The following TTBK2 variants were observed in gnomAD, a reference collection of about 807,000 sequenced individuals.
TTBK2 encodes tau tubulin kinase 2.
In TTBK2, 28 loss-of-function variants were observed where a neutral mutation model predicts 110.8. That is an observed-to-expected ratio of 0.25 (90% CI 0.19 to 0.35). The LOEUF is 0.35. Among genes scored for constraint, TTBK2 ranks in the 10% least tolerant of loss-of-function variants. The pLI is 1.00. For synonymous variants in TTBK2, 532 were observed against 527.3 expected, an observed-to-expected ratio of 1.01 and a Z score of -0.12; for missense variants, 1,369 against 1,500.3, an observed-to-expected ratio of 0.91 and a Z score of 1.45.
chr15:42,889,929 T>C (rs1156911826), intron 1 of TTBK2, among the ~76,000 whole-genome samples: 1 of 152,172 alleles, frequency 6.6e-6, no homozygotes, highest in Non-Finnish European at 1.5e-5. Flanking sequence ...TATTTTGTTG[T>C]ATTTTTCTTA....
intron 6 of TTBK2, among the ~76,000 whole-genome samples, chr15:42,820,189 G>A (rs1892232732): frequency 6.6e-6 from 1 of 152,146 alleles, no homozygotes. Flanking sequence ...AAGAAATAAT[G>A]TCAGATCAAG....
intron 7 of TTBK2, 62 bp downstream of exon 7, chr15:42,816,970 A>C: frequency 1.0e-6 from 1 of 967,080 alleles, no homozygotes. Context: ...ATAAAAAAGA[A>C]GTCAATCTGA....
chr15:42,765,347 T>A (rs558079249), intron 13 of TTBK2, among the ~76,000 whole-genome samples: 40 of 152,214 alleles, frequency 2.6e-4, no homozygotes, highest in African/African-American at 9.4e-4. Context: ...TTGAACCCAT[T>A]GCAAGGAAGC....
At chr15:42,816,711 A>T (rs967836711) in intron 7 of TTBK2, among the ~76,000 whole-genome samples, 1 of 151,976 alleles carries the variant, frequency 6.6e-6, no homozygotes, top group African/African-American at 2.4e-5. Flanking sequence ...TGAGGCTAGG[A>T]GTTTGAGACC....
upstream of TTBK2, chr15:42,920,814 C>G (rs1025246116): frequency 7.2e-5 from 11 of 153,018 alleles, no homozygotes; most frequent in Admixed American, 3.3e-4. Context: ...TATTCTCCCC[C>G]CTCGTAACCC....
At chr15:42,907,907 C>CA (rs1283939502) in intron 1 of TTBK2, among the ~76,000 whole-genome samples, 4,955 of 121,410 alleles carry the variant, frequency 0.041, 99 homozygotes, top group Non-Finnish European at 0.052. Context: ...CCCATCTCTA[C>CA]AAAAAAAAAA....
chr15:42,890,265 G>C (rs1051157841), intron 1 of TTBK2, among the ~76,000 whole-genome samples: 1 of 152,076 alleles, frequency 6.6e-6, no homozygotes, highest in African/African-American at 2.4e-5. Context: ...CTCTCTTTTC[G>C]GACTCAGCCT....
At chr15:42,838,362 G>T (rs564800538) in intron 4 of TTBK2, among the ~76,000 whole-genome samples, 22 of 148,004 alleles carry the variant, frequency 1.5e-4, no homozygotes, top group Non-Finnish European at 2.4e-4. Flanking sequence ...GGGTGTGTGT[G>T]TGTGTGTGTG....
intron 13 of TTBK2, among the ~76,000 whole-genome samples, chr15:42,772,758 G>A (rs956837793): frequency 6.6e-5 from 10 of 152,064 alleles, no homozygotes; most frequent in African/African-American, 2.4e-4. Flanking sequence ...CCCAGTCTGG[G>A]CAATACAGTG....
At chr15:42,915,819 T>C (rs1480453807) in intron 1 of TTBK2, among the ~76,000 whole-genome samples, 2 of 152,010 alleles carry the variant, frequency 1.3e-5, no homozygotes, top group Non-Finnish European at 2.9e-5. Context: ...TGGTGGCACA[T>C]GCCCGTAGTC....
At chr15:42,840,169 T>G (rs928127819) in intron 4 of TTBK2, among the ~76,000 whole-genome samples, 191 bp downstream of exon 4, 2 of 152,192 alleles carry the variant, frequency 1.3e-5, no homozygotes, top group African/African-American at 4.8e-5. Context: ...TCAACTCAAA[T>G]AGCGGACAAA....
intron 11 of TTBK2, 129 bp from the exon 12 acceptor site, chr15:42,777,371 C>A: frequency 1.0e-6 from 1 of 982,760 alleles, no homozygotes; most frequent in Admixed American, 2.4e-5. Flanking sequence ...GATATTTTGG[C>A]TAGTTTACTT....
intron 1 of TTBK2, among the ~76,000 whole-genome samples, chr15:42,888,883 T>A (rs1421822394): frequency 1.3e-5 from 2 of 152,196 alleles, no homozygotes; most frequent in Admixed American, 1.3e-4. Flanking sequence ...CTGTCCCTCA[T>A]GGCCAGTTTT....
Position 42,892,688 on chromosome 15 carries a change from G to C in TTBK2, c.-67-14004C>G, listed in dbSNP as rs138111493. ...AGACTGCACTCTAGCCTGGATGACA[G>C]AGCAAGACCCTGTCTCAAAAAAAAA... On this transcript the variant is annotated intron_variant, in intron 1 of 14. Transcript: ENST00000267890. Among the ~76,000 whole-genome samples, 756 of 122,804 alleles carry C rather than the reference G, an allele frequency of 6.2e-3. 8 individuals are homozygous for C. Among genetic ancestry groups the C allele is most frequent in the African/African-American group, 0.023 (712 of 31,480 alleles). 80.6% of individuals were successfully genotyped at this position (122,804 alleles called of 152,430 possible).
At chr15:42,851,008 G>A (rs908686687) in intron 3 of TTBK2, among the ~76,000 whole-genome samples, 6 of 151,722 alleles carry the variant, frequency 4.0e-5, no homozygotes, top group South Asian at 2.1e-4. Flanking sequence ...GGTGGATCAC[G>A]AGGTCAGGAA....
intron 13 of TTBK2, among the ~76,000 whole-genome samples, chr15:42,765,245 C>G (rs1889304823): frequency 6.6e-6 from 1 of 152,234 alleles, no homozygotes; most frequent in Non-Finnish European, 1.5e-5. Context: ...ATCAACGGAA[C>G]AAAGCTGGAC....
chr15:42,828,723 A>AC (rs1892633592), intron 5 of TTBK2, among the ~76,000 whole-genome samples: 1 of 140,988 alleles, frequency 7.1e-6, no homozygotes, highest in African/African-American at 2.6e-5. Flanking sequence ...ACTCTGTCAC[A>AC]AAAAAAAAAA....
chr15:42,913,637 CA>C (rs558339555), intron 1 of TTBK2, among the ~76,000 whole-genome samples: 8,717 of 136,860 alleles, frequency 0.064, 763 homozygotes, highest in African/African-American at 0.21. Flanking sequence ...GACTCCGTCT[CA>C]AAAAAAAAAA....
In TTBK2 at chr15:42,875,632, C is replaced by T. The variant is rs148100429; in HGVS notation, c.70-2874G>A. Among the ~76,000 whole-genome samples the T allele has an allele frequency of 4.1e-4, 63 of 152,152 alleles. 1 individual carries two copies. In the South Asian group the frequency reaches 5.4e-3, roughly 13 times the overall value. ...TAAGAAATGGGACCATCTGGCCAGGCACAGTGGCTCACATCTGTAATCCCA... is the reference window on the plus strand; with the variant it reads ...TAAGAAATGGGACCATCTGGCCAGGTACAGTGGCTCACATCTGTAATCCCA... On this transcript the variant is annotated intron_variant, in intron 2 of 14. Transcript: ENST00000267890.
Sources: allele counts gnomAD v4.1 joint callset (sites outside exome capture counted in the v4.1 genomes callset), GRCh38; gene constraint gnomAD v4.1.1; transcripts MANE v1.5; gene names NCBI Gene and HGNC (gene_info 2026-07-23, HGNC 2026-07-21).